VSTM2L: variants seen among roughly 807,000 people sequenced by gnomAD.
VSTM2L encodes V-set and transmembrane domain-containing protein 2-like protein.
Under a neutral mutation model 19.9 loss-of-function variants are expected in VSTM2L, and 9 were observed. The ratio of observed to expected loss-of-function variants is 0.45; its 90% CI spans 0.27 to 0.79. The LOEUF (loss-of-function observed/expected upper bound fraction) is 0.79. Among genes scored for constraint, VSTM2L ranks in the 30% least tolerant of loss-of-function variants. The pLI, the probability that VSTM2L is intolerant of heterozygous loss-of-function variation, is 0.15. For missense variants in VSTM2L, 286 were observed against 295.5 expected, an observed-to-expected ratio of 0.97 and a Z score of 0.24; for synonymous variants, 127 against 133.8, an observed-to-expected ratio of 0.95 and a Z score of 0.35.
intron 1 of VSTM2L, among the ~76,000 whole-genome samples, chr20:37,916,514 A>G (rs1814955214): frequency 6.6e-6 from 1 of 152,208 alleles, no homozygotes; most frequent in Non-Finnish European, 1.5e-5. Context: ...ACTGCTGTCT[A>G]CCTCAATATG....
chr20:37,944,039 C>T lies in VSTM2L; in HGVS notation c.401C>T (p.Pro134Leu), dbSNP rs1203832344. 6.2e-7 allele frequency: 1 copy of T among 1,610,120 alleles called. No homozygotes were observed. Among genetic ancestry groups the T allele is most frequent in the Non-Finnish European group, 8.5e-7 (1 of 1,177,172 alleles). The change falls in exon 4 of 4, where the codon CCC (proline) becomes CTC (leucine). Residue 134 changes from proline (P) to leucine (L), a missense_variant. Physicochemically the swap from Pro to Leu is moderately conservative, Grantham distance 98 (BLOSUM62 -3). Coordinates refer to ENST00000373461, the MANE Select transcript of VSTM2L (RefSeq NM_080607.3). The stretch of plus-strand genomic sequence containing the variant: ...AAGCTGCGCCTGTCCCGGGTGAAGC[C>T]CACGGACGAAGGCACCTACGAGTGC... ...SHKLRLSRVK[P>L]TDEGTYECRV...
intron 1 of VSTM2L, among the ~76,000 whole-genome samples, chr20:37,925,869 C>A (rs1203071238): frequency 6.6e-6 from 1 of 152,196 alleles, no homozygotes; most frequent in Non-Finnish European, 1.5e-5. Flanking sequence ...CCCCTCCCTG[C>A]TCCCGGCTCT....
chr20:37,913,236 G>A (rs1234600501), intron 1 of VSTM2L, among the ~76,000 whole-genome samples: 1 of 152,152 alleles, frequency 6.6e-6, no homozygotes, highest in Non-Finnish European at 1.5e-5. Context: ...GGAAACTATG[G>A]ATTGTTTCCT....
At chr20:37,943,000 T>G (rs1044633002) in intron 3 of VSTM2L, among the ~76,000 whole-genome samples, 2 of 152,240 alleles carry the variant, frequency 1.3e-5, no homozygotes, top group African/African-American at 4.8e-5. Flanking sequence ...AGTCTCGCGC[T>G]GTCGCCCAGG....
chr20:37,927,667 T>C (rs548487008), intron 1 of VSTM2L, among the ~76,000 whole-genome samples: 13 of 152,236 alleles, frequency 8.5e-5, no homozygotes, highest in African/African-American at 2.9e-4. Flanking sequence ...TAGGAAGAGC[T>C]GGTGGGCCAG....
intron 3 of VSTM2L, among the ~76,000 whole-genome samples, chr20:37,935,306 G>A (rs2072933317): frequency 6.6e-6 from 1 of 152,212 alleles, no homozygotes; most frequent in Non-Finnish European, 1.5e-5. Context: ...ACAGGCATGG[G>A]CCAAGCTCCT....
intron 1 of VSTM2L, among the ~76,000 whole-genome samples, chr20:37,918,917 C>A (rs976635843): frequency 6.6e-6 from 1 of 152,228 alleles, no homozygotes; most frequent in Admixed American, 6.5e-5. Flanking sequence ...CCCTGCATAA[C>A]CCTGGGCAGC....
chr20:37,941,872 A>AC (rs1158775158), intron 3 of VSTM2L, among the ~76,000 whole-genome samples: 1 of 128,386 alleles, frequency 7.8e-6, no homozygotes, highest in South Asian at 2.5e-4. Context: ...CACCACCACC[A>AC]CCCCTCTCCA....
intron 3 of VSTM2L, among the ~76,000 whole-genome samples, chr20:37,943,387 C>A (rs965598067): frequency 2.0e-5 from 3 of 151,802 alleles, no homozygotes; most frequent in Non-Finnish European, 4.4e-5. Context: ...ACAGTCCTCG[C>A]ACCTCAGTCT....
intron 1 of VSTM2L, among the ~76,000 whole-genome samples, chr20:37,930,444 G>A (rs1276894871): frequency 6.6e-6 from 1 of 152,192 alleles, no homozygotes; most frequent in Non-Finnish European, 1.5e-5. Context: ...GCAGCCAGGA[G>A]GGACAGGGTG....
chr20:37,903,690 G>A (rs186942502), intron 1 of VSTM2L, among the ~76,000 whole-genome samples: 121 of 152,272 alleles, frequency 7.9e-4, no homozygotes, highest in African/African-American at 2.7e-3. Context: ...CACTCGCGCG[G>A]ATACGCACAC....
In VSTM2L at chr20:37,909,522, C is replaced by G. The variant is rs150421498; in HGVS notation, c.121+6051C>G. Among the ~76,000 whole-genome samples the G allele has an allele frequency of 7.8e-3, 1,182 of 152,302 alleles. 14 individuals are homozygous for G. The highest frequency in any genetic ancestry group is 0.026 in the African/African-American group (1,080 of 41,554). Reference sequence around the variant, plus strand: ...GGGGATGAGGTCTGAATTCTTAAAGCTTTGCTCATTCCAAGTCAATATATT... The same window carrying G: ...GGGGATGAGGTCTGAATTCTTAAAGGTTTGCTCATTCCAAGTCAATATATT... On this transcript the variant is annotated intron_variant, in intron 1 of 3. Transcript: ENST00000373461.
chr20:37,903,518 C>T, intron 1 of VSTM2L, 47 bp downstream of exon 1: 1 of 1,407,216 alleles, frequency 7.1e-7, no homozygotes, highest in South Asian at 1.5e-5. Flanking sequence ...AAACCCCAAC[C>T]CGGGCCGCGC....
chr20:37,915,990 G>A (rs187220332), intron 1 of VSTM2L, among the ~76,000 whole-genome samples: 621 of 152,266 alleles, frequency 4.1e-3, no homozygotes, highest in Non-Finnish European at 7.4e-3. Flanking sequence ...TTTCTCCTCA[G>A]TGGCTCTGAG....
chr20:37,919,672 T>C (rs977692276), intron 1 of VSTM2L, among the ~76,000 whole-genome samples: 2 of 152,238 alleles, frequency 1.3e-5, no homozygotes, highest in African/African-American at 4.8e-5. Context: ...CCTTGTGGCC[T>C]TGCCACCCAG....
In VSTM2L at chr20:37,944,584, C is replaced by T; in HGVS notation, c.*331C>T. The T allele has an allele frequency of 9.0e-7, 1 of 1,109,168 alleles. No homozygotes were observed. The highest frequency in any genetic ancestry group is 5.2e-5 in the East Asian group (1 of 19,408). 68.7% of individuals were successfully genotyped at this position (1,109,168 alleles called of 1,614,324 possible). A position where few individuals can be genotyped will look rare whatever the true frequency, so the allele number is the denominator to read the frequency against. ...AGCTTCTGTGGAGTCCAGTGTTTTG[C>T]TTTGCTTGCTTGTCCCCCATCCTGT... On this transcript the variant is annotated 3_prime_UTR_variant, in exon 4 of 4. Transcript: ENST00000373461.
At position 37,903,230 on chromosome 20, in the gene VSTM2L, C is replaced by A. The variant is rs1386347877; in HGVS notation, c.-121C>A. The A allele has an allele frequency of 5.9e-6, 7 of 1,184,426 alleles. No individual in the cohort carries two copies. The highest frequency in any genetic ancestry group is 7.4e-6 in the Non-Finnish European group (7 of 944,534). The allele number at this position is 1,184,426 out of a possible 1,614,324, so 73.4% of individuals were successfully genotyped here. A position where few individuals can be genotyped will look rare whatever the true frequency, so the allele number is the denominator to read the frequency against. On this transcript the variant is annotated 5_prime_UTR_variant, in exon 1 of 4. Coordinates refer to ENST00000373461, the MANE Select transcript of VSTM2L (RefSeq NM_080607.3). ...CTGGGCCGGGTCCGGGGACAGCGGG[C>A]GAGGGGCAGCTGCCGGAGCCGGGCA...
At chr20:37,905,874 A>G (rs1235598978) in intron 1 of VSTM2L, among the ~76,000 whole-genome samples, 1 of 152,176 alleles carries the variant, frequency 6.6e-6, no homozygotes, top group Non-Finnish European at 1.5e-5. Flanking sequence ...ATGTCTAATA[A>G]GCTATTTGTG....
intron 1 of VSTM2L, among the ~76,000 whole-genome samples, chr20:37,929,341 C>T (rs2122964325): frequency 6.6e-6 from 1 of 152,238 alleles, no homozygotes; most frequent in African/African-American, 2.4e-5. Flanking sequence ...CAGGCAGAGG[C>T]CAACACTGGA....
Sources: allele counts gnomAD v4.1 joint callset (sites outside exome capture counted in the v4.1 genomes callset), GRCh38; gene constraint gnomAD v4.1.1; transcripts MANE v1.5; gene names NCBI Gene and HGNC (gene_info 2026-07-23, HGNC 2026-07-21).